Variants in CEP152 observed in about 807,000 individuals in gnomAD.
CEP152 encodes the protein centrosomal protein 152.
In CEP152, 132 loss-of-function variants were observed where a neutral mutation model predicts 188.9. The ratio of observed to expected loss-of-function variants is 0.70; its 90% CI spans 0.61 to 0.81. The LOEUF (loss-of-function observed/expected upper bound fraction) is 0.81. CEP152 is among the 30% of genes least tolerant of loss of function. The pLI, the probability that CEP152 is intolerant of heterozygous loss-of-function variation, is 0.00. For synonymous variants in CEP152, 649 were observed against 666.6 expected, an observed-to-expected ratio of 0.97 and a Z score of 0.41; for missense variants, 1,914 against 1,969.8, an observed-to-expected ratio of 0.97 and a Z score of 0.54.
chr15:48,783,221 T>C (rs1896382127), intron 10 of CEP152: 1 of 152,176 alleles, frequency 6.6e-6, no homozygotes, highest in South Asian at 2.1e-4. Flanking sequence ...TGTTCTTTGC[T>C]CTAATATCAT....
At chr15:48,770,119 C>A (rs1175073675) in intron 13 of CEP152, among the ~76,000 whole-genome samples, 2 of 151,976 alleles carry the variant, frequency 1.3e-5, no homozygotes, top group African/African-American at 2.4e-5. Flanking sequence ...TCTTTTTATT[C>A]ATTGATGGGG....
intron 17 of CEP152, chr15:48,765,596 G>GAAT (rs1272138864): frequency 2.4e-6 from 1 of 417,346 alleles, no homozygotes; most frequent in Non-Finnish European, 4.6e-6. Flanking sequence ...AATATTCCTG[G>GAAT]AATGACCTCT....
intron 19 of CEP152, among the ~76,000 whole-genome samples, chr15:48,757,149 G>A (rs1380102899): frequency 1.3e-5 from 2 of 150,294 alleles, no homozygotes; most frequent in Non-Finnish European, 2.9e-5. Context: ...AAGTAATAGC[G>A]AAATCAAAAA....
In CEP152 at chr15:48,756,058, C is replaced by T. The variant is rs141275046; in HGVS notation, c.3190G>A (p.Asp1064Asn). ...TCCAAAAGCTGCTTGTCCTCAGAAT[C>T]ACTGATGTGCTCCTTTTGGGTATCA... ...LSDTQKEHIS[D>N]SEDKQLLEIM... Residue 1064 changes from aspartate to asparagine, a missense_variant, in exon 20 of 27, where the codon GAT becomes AAT. Asp to Asn is a conservative substitution (Grantham distance 23). Transcript: ENST00000380950. 6.2e-7 allele frequency: 1 copy of T among 1,614,082 alleles called. No homozygotes were observed. The highest frequency in any genetic ancestry group is 2.2e-5 in the East Asian group (1 of 44,874).
chr15:48,764,989 C>T (rs1302045388), intron 17 of CEP152, among the ~76,000 whole-genome samples: 1 of 149,310 alleles, frequency 6.7e-6, no homozygotes, highest in Non-Finnish European at 1.5e-5. Context: ...GAAACATTTC[C>T]TTTAAAAAAA....
chr15:48,796,289 TACAC>T lies in CEP152; in HGVS notation c.541-133_541-130del, dbSNP rs3074978. The T allele has an allele frequency of 0.45, 244,066 of 545,712 alleles. 34,354 individuals are homozygous for T. The highest frequency in any genetic ancestry group is 0.56 in the East Asian group (16,020 of 28,518). The allele number at this position is 545,712 out of a possible 1,614,324, so 33.8% of individuals were successfully genotyped here. On this transcript the variant is annotated intron_variant, in intron 5 of 26. Transcript: ENST00000380950. Reference sequence around the variant, plus strand: ...TACAGTTCAAAGTTGTTTATATATATACACACACACACACACACACACACACACA... The same window carrying T: ...TACAGTTCAAAGTTGTTTATATATATACACACACACACACACACACACACA...
chr15:48,758,132 A>G (rs919803055), intron 19 of CEP152, among the ~76,000 whole-genome samples: 5 of 152,232 alleles, frequency 3.3e-5, no homozygotes, highest in African/African-American at 1.2e-4. Context: ...AGTATTTTTT[A>G]AAGATCCTCA....
rs998729182 is a variant in CEP152 at position 48,744,334 on chromosome 15, T to C, written c.3741A>G (p.Ser1247=). ...TLCKTPPRSL[S]AGAIENACLP... ...GGCAAGCATTTTCAATGGCCCCTGCTGACAATGACCTAAAAAACAAACCAA... is the reference window on the plus strand; with the variant it reads ...GGCAAGCATTTTCAATGGCCCCTGCCGACAATGACCTAAAAAACAAACCAA... The change falls in exon 24 of 27, where the codon TCA becomes TCG. Residue 1247 remains serine (S), a synonymous_variant. Transcript: ENST00000380950. 3.3e-5 allele frequency: 53 copies of C among 1,614,066 alleles called. No homozygotes were observed. Among genetic ancestry groups the C allele is most frequent in the Non-Finnish European group, 4.5e-5 (53 of 1,179,974 alleles).
At chr15:48,795,686 G>A (rs1230828178) in intron 6 of CEP152, among the ~76,000 whole-genome samples, 3 of 152,058 alleles carry the variant, frequency 2.0e-5, no homozygotes, top group Non-Finnish European at 4.4e-5. Context: ...AGAAAGTAAA[G>A]AGAATAATAT....
At chr15:48,741,309 A>G (rs1595586613) in intron 26 of CEP152, 2 of 1,198,056 alleles carry the variant, frequency 1.7e-6, no homozygotes, top group East Asian at 1.1e-4. Flanking sequence ...GCAACTTTTT[A>G]AAACCCACTT....
intron 13 of CEP152, among the ~76,000 whole-genome samples, chr15:48,770,586 T>G (rs910713167): frequency 6.6e-6 from 1 of 152,192 alleles, no homozygotes; most frequent in Non-Finnish European, 1.5e-5. Flanking sequence ...TCCTAAATCC[T>G]AGAGCACTCC....
Position 48,756,564 on chromosome 15 carries a change from T to C in CEP152, c.2695-11A>G. The C allele has an allele frequency of 6.2e-7, 1 of 1,602,132 alleles. No individual in the cohort carries two copies. The highest frequency in any genetic ancestry group is 1.1e-5 in the South Asian group (1 of 90,970). On this transcript the variant is annotated splice_polypyrimidine_tract_variant and intron_variant, in intron 19 of 26. Transcript: ENST00000380950. ...AACAGCAAATGATATCTAAAGAACA[T>C]AACAACATGCATTTTGAAAGTCTTT...
intron 12 of CEP152, among the ~76,000 whole-genome samples, chr15:48,779,548 G>A (rs950415246): frequency 1.2e-4 from 18 of 152,132 alleles, no homozygotes; most frequent in African/African-American, 3.1e-4. Context: ...ATGTTAGAAC[G>A]TGTTACATAA....
At position 48,767,365 on chromosome 15, in the gene CEP152, T is replaced by C. The variant is rs1895201538; in HGVS notation, c.2117A>G (p.Glu706Gly). The change falls in exon 16 of 27, where the codon GAG becomes GGG. Residue 706 changes from glutamate to glycine, a missense_variant. Glu to Gly is a moderately conservative substitution (Grantham distance 98, BLOSUM62 -2). Coordinates refer to ENST00000380950, the MANE Select transcript of CEP152 (RefSeq NM_001194998.2). Reference protein sequence around the residue: ...KHALEKQQLFEAYERTHLQLR... With the variant: ...KHALEKQQLFGAYERTHLQLR... ...TTGCAAATGAGTTCTCTCATAAGCC[T>C]CAAAGAGCTGCTGCTTCTCCAAAGC... 1.9e-6 allele frequency: 3 copies of C among 1,614,208 alleles called. No individual in the cohort carries two copies. The highest frequency in any genetic ancestry group is 2.5e-6 in the Non-Finnish European group (3 of 1,180,016).
At chr15:48,760,380 A>C (rs1371792585) in intron 18 of CEP152, 114 bp from the exon 19 acceptor site, 33 of 1,294,374 alleles carry the variant, frequency 2.5e-5, no homozygotes, top group Non-Finnish European at 5.5e-6. Flanking sequence ...ACTACATAAT[A>C]AAGTCAAACT....
At chr15:48,761,678 C>A (rs900157150) in intron 18 of CEP152, among the ~76,000 whole-genome samples, 2 of 152,104 alleles carry the variant, frequency 1.3e-5, no homozygotes, top group South Asian at 2.1e-4. Flanking sequence ...TAAATATAAA[C>A]CACACAAACA....
At chr15:48,789,103 G>C (rs973075598) in intron 8 of CEP152, 102 bp from the exon 9 acceptor site, 17 of 1,104,248 alleles carry the variant, frequency 1.5e-5, no homozygotes, top group Non-Finnish European at 1.9e-5. Context: ...TAAAACTCAA[G>C]CATGTTTTAA....
chr15:48,782,127 G>A lies in CEP152; in HGVS notation c.1413+12C>T. The A allele has an allele frequency of 6.2e-7, 1 of 1,610,908 alleles. No individual in the cohort carries two copies. Among genetic ancestry groups the A allele is most frequent in the Non-Finnish European group, 8.5e-7 (1 of 1,177,396 alleles). On this transcript the variant is annotated intron_variant, in intron 11 of 26. Coordinates refer to ENST00000380950, the MANE Select transcript of CEP152 (RefSeq NM_001194998.2). ...GATACCCATAGAGCCTCTTCCAAGT[G>A]GCAACACTCACTTGCAAAGCCTTGT...
rs773013405 is a variant in CEP152, at chr15:48,744,900, G to C, written c.3727C>G (p.Pro1243Ala). Residue 1243 changes from proline (P) to alanine (A), a missense_variant, in exon 23 of 27, where the codon CCA becomes GCA. Coordinates refer to ENST00000380950, the MANE Select transcript of CEP152 (RefSeq NM_001194998.2). ...TTTAAAATAGTAAAAGTATACCTTG[G>C]TGGTGTTTTACAAAGTGTTTGCAAT... ...EELQTLCKTPPRSLSAGAIEN... is the reference protein window; with the variant it reads ...EELQTLCKTPARSLSAGAIEN... 5.1e-4 allele frequency: 815 copies of C among 1,608,636 alleles called. 13 individuals are homozygous for C. In the East Asian group the frequency reaches 0.018, roughly 36 times the overall value.
Sources: allele counts gnomAD v4.1 joint callset (sites outside exome capture counted in the v4.1 genomes callset), GRCh38; gene constraint gnomAD v4.1.1; transcripts MANE v1.5; gene names NCBI Gene and HGNC (gene_info 2026-07-23, HGNC 2026-07-21).